ANK1: variants seen among roughly 807,000 people sequenced by gnomAD.
ANK1 encodes ankyrin-1.
In ANK1, 51 loss-of-function variants were observed where a neutral mutation model predicts 210.4. The ratio of observed to expected loss-of-function variants is 0.24; its 90% CI spans 0.19 to 0.31. The LOEUF (loss-of-function observed/expected upper bound fraction) is 0.31. ANK1 is among the 10% of genes least tolerant of loss of function. ANK1 has a pLI of 1.00. For missense variants in ANK1, 2,051 were observed against 2,504.4 expected (o/e 0.82, Z 3.86); for synonymous variants, 967 against 1,025.9 (o/e 0.94, Z 1.10).
intron 3 of ANK1, among the ~76,000 whole-genome samples, chr8:41,729,804 G>A (rs900024853): frequency 6.6e-6 from 1 of 152,186 alleles, no homozygotes; most frequent in Non-Finnish European, 1.5e-5. Flanking sequence ...TGGGGGTCCT[G>A]GACCACAATG....
intron 1 of ANK1, among the ~76,000 whole-genome samples, chr8:41,779,718 G>T (rs541985842): frequency 6.6e-6 from 1 of 152,294 alleles, no homozygotes; most frequent in Admixed American, 6.5e-5. Context: ...TATAAGTCAG[G>T]TGTTCTACTT....
At position 41,708,069 on chromosome 8, in the gene ANK1, G is replaced by A. The variant is rs184771646; in HGVS notation, c.1998+709C>T. Among the ~76,000 whole-genome samples the A allele has an allele frequency of 1.7e-3, 259 of 152,292 alleles. 1 individual carries two copies. The highest frequency in any genetic ancestry group is 5.6e-3 in the African/African-American group (231 of 41,554). On this transcript the variant is annotated intron_variant, in intron 17 of 42. Coordinates refer to ENST00000289734, the MANE Select transcript of ANK1 (RefSeq NM_000037.4). ...CGGGTACGAGGTTTCCTTTCGGAGT[G>A]ATGAAAGTGTTCTAGAGTTAGATCA... is the stretch of plus-strand genomic sequence containing the variant.
intron 37 of ANK1, 97 bp downstream of exon 37, chr8:41,684,447 C>T (rs754877205): frequency 1.3e-5 from 20 of 1,559,878 alleles, no homozygotes; most frequent in Non-Finnish European, 1.8e-5. Context: ...GCAGAGCGGG[C>T]TTTGAGGGAT....
At chr8:41,663,098 G>GTCTCTCTC (rs60380363) in intron 40 of ANK1, among the ~76,000 whole-genome samples, 1,773 of 145,098 alleles carry the variant, frequency 0.012, 43 homozygotes, top group African/African-American at 0.04. Context: ...GTGTGTGTGT[G>GTCTCTCTC]TCTCTCTCTC....
chr8:41,856,627 CAAAATACTCCAA>C (rs1056177718), intron 1 of ANK1, among the ~76,000 whole-genome samples: 6 of 152,098 alleles, frequency 3.9e-5, no homozygotes, highest in African/African-American at 1.4e-4. Flanking sequence ...TCTGAAATCA[CAAAATACTCCAA>C]AATTAGGAAC....
chr8:41,880,648 G>C (rs1209739724), intron 1 of ANK1, among the ~76,000 whole-genome samples: 1 of 152,214 alleles, frequency 6.6e-6, no homozygotes, highest in Non-Finnish European at 1.5e-5. Flanking sequence ...AAACACCTGA[G>C]CTGCGCGAGG....
intron 7 of ANK1, among the ~76,000 whole-genome samples, 170 bp from the exon 8 acceptor site, chr8:41,723,803 T>C (rs1281945707): frequency 1.3e-5 from 2 of 150,496 alleles, no homozygotes; most frequent in African/African-American, 4.9e-5. Flanking sequence ...TTTTTTTTTT[T>C]TTTTGAGACG....
At chr8:41,805,010 C>A (rs1036447516) in intron 1 of ANK1, among the ~76,000 whole-genome samples, 1 of 151,744 alleles carries the variant, frequency 6.6e-6, no homozygotes, top group East Asian at 1.9e-4. Flanking sequence ...ATCTCGGGAC[C>A]CTTTTACAGT....
chr8:41,707,514 G>T (rs999712634), intron 17 of ANK1, among the ~76,000 whole-genome samples: 1 of 152,216 alleles, frequency 6.6e-6, no homozygotes, highest in South Asian at 2.1e-4. Context: ...GCAGGCAGGC[G>T]GGGGTGGCTC....
chr8:41,714,398 A>G (rs1013192869), intron 15 of ANK1, 144 bp from the exon 16 acceptor site: 7 of 620,816 alleles, frequency 1.1e-5, no homozygotes, highest in Middle Eastern at 3.9e-4. Flanking sequence ...TGGAGTCATG[A>G]CAGAATGTCA....
intron 1 of ANK1, among the ~76,000 whole-genome samples, chr8:41,852,554 G>T (rs1811455665): frequency 6.6e-6 from 1 of 152,242 alleles, no homozygotes; most frequent in Admixed American, 6.5e-5. Flanking sequence ...GAGGGGCTCT[G>T]CACCCAAAGA....
At chr8:41,792,028 A>G (rs1847842829) in intron 1 of ANK1, among the ~76,000 whole-genome samples, 1 of 152,168 alleles carries the variant, frequency 6.6e-6, no homozygotes, top group Non-Finnish European at 1.5e-5. Flanking sequence ...CCTACACGCT[A>G]ATAGGTTTCA....
intron 1 of ANK1, among the ~76,000 whole-genome samples, chr8:41,764,910 A>T (rs771519306): frequency 6.6e-5 from 10 of 152,216 alleles, no homozygotes; most frequent in Non-Finnish European, 1.0e-4. Flanking sequence ...GTGTTTTGTT[A>T]TCTCCTTTTT....
intron 1 of ANK1, among the ~76,000 whole-genome samples, chr8:41,822,437 T>C (rs1403582905): frequency 3.9e-5 from 6 of 152,266 alleles, no homozygotes; most frequent in African/African-American, 1.4e-4. Context: ...TTCATACTTC[T>C]ATCAGTAAAA....
intron 16 of ANK1, among the ~76,000 whole-genome samples, chr8:41,710,078 T>G (rs1223951279): frequency 6.6e-6 from 1 of 152,158 alleles, no homozygotes; most frequent in African/African-American, 2.4e-5. Flanking sequence ...TCAGCCAATT[T>G]TTGTTTTTAT....
intron 42 of ANK1, among the ~76,000 whole-genome samples, chr8:41,657,567 C>A (rs1407220131): frequency 6.6e-6 from 1 of 152,228 alleles, no homozygotes; most frequent in Admixed American, 6.5e-5. Flanking sequence ...CCCCACGGTG[C>A]CTGCCCCAAG....
chr8:41,758,216 G>A (rs1468036091), intron 1 of ANK1, 79 bp from the exon 2 acceptor site: 7 of 1,286,762 alleles, frequency 5.4e-6, no homozygotes, highest in Non-Finnish European at 6.7e-6. Context: ...CCAGGCCCCC[G>A]CAGCAGCCCC....
chr8:41,854,282 A>G (rs1811788320), intron 1 of ANK1, among the ~76,000 whole-genome samples: 1 of 152,206 alleles, frequency 6.6e-6, no homozygotes, highest in South Asian at 2.1e-4. Flanking sequence ...GAGAGCACTC[A>G]GCTTATGTAA....
intron 1 of ANK1, among the ~76,000 whole-genome samples, chr8:41,805,878 T>C (rs1173194711): frequency 6.6e-6 from 1 of 152,184 alleles, no homozygotes; most frequent in African/African-American, 2.4e-5. Context: ...CTGGCTTCGC[T>C]TGGATATGTA....
Sources: allele counts gnomAD v4.1 joint callset (sites outside exome capture counted in the v4.1 genomes callset), GRCh38; gene constraint gnomAD v4.1.1; transcripts MANE v1.5; gene names NCBI Gene and HGNC (gene_info 2026-07-23, HGNC 2026-07-21).